STXBP5: variants seen among roughly 807,000 people sequenced by gnomAD.
The protein encoded by STXBP5 is syntaxin-binding protein 5.
A neutral mutation model predicts 152.4 loss-of-function variants in STXBP5; 50 were observed. The ratio of observed to expected loss-of-function variants is 0.33; its 90% CI spans 0.26 to 0.42. The LOEUF (loss-of-function observed/expected upper bound fraction) is 0.42. Among genes scored for constraint, STXBP5 ranks in the 10% least tolerant of loss-of-function variants. STXBP5 has a pLI of 1.00. For missense variants in STXBP5, 1,167 were observed against 1,388.6 expected, an observed-to-expected ratio of 0.84 and a Z score of 2.54; for synonymous variants, 492 against 494.7, an observed-to-expected ratio of 0.99 and a Z score of 0.07.
chr6:147,313,305 A>G (rs1038378949), intron 11 of STXBP5, among the ~76,000 whole-genome samples: 4 of 152,192 alleles, frequency 2.6e-5, no homozygotes, highest in Admixed American at 2.6e-4. Context: ...TTATATTTAG[A>G]TAGGATTCTA....
At chr6:147,338,007 A>G (rs552622652) in intron 19 of STXBP5, among the ~76,000 whole-genome samples, 1 of 152,222 alleles carries the variant, frequency 6.6e-6, no homozygotes, top group Admixed American at 6.5e-5. Flanking sequence ...AGAGTGTTAT[A>G]TGTGGTGTCA....
At chr6:147,313,639 A>T (rs114207902) in intron 11 of STXBP5, among the ~76,000 whole-genome samples, 3,044 of 152,262 alleles carry the variant, frequency 0.02, 109 homozygotes, top group African/African-American at 0.07. Context: ...TGAGATGTAT[A>T]TATTTAAAGC....
At position 147,265,522 on chromosome 6, in the gene STXBP5, A is replaced by G. The variant is rs190620423; in HGVS notation, c.631-1562A>G. On this transcript the variant is annotated intron_variant, in intron 6 of 27. Transcript: ENST00000321680. The stretch of plus-strand genomic sequence containing the variant: ...AGGAGCATCTTAATTTGTCTAGAGG[A>G]ACTGGGTAGACTTAACCAGGAAGCA... Among the ~76,000 whole-genome samples the G allele has an allele frequency of 1.4e-3, 214 of 152,264 alleles. 2 individuals are homozygous for G. The highest frequency in any genetic ancestry group is 7.0e-3 in the South Asian group (34 of 4,826).
rs1160102354 is a variant in STXBP5, at chr6:147,373,839, C to G, written c.3190C>G (p.Leu1064Val). ...TGCACAATCTCTTGACAGAGAAGAACTATGTAAGTTGATTTATTTAATTCG... is the reference window on the plus strand; with the variant it reads ...TGCACAATCTCTTGACAGAGAAGAAGTATGTAAGTTGATTTATTTAATTCG... ...GGAQSLDREE[L>V]FGESSSGKAS... Residue 1064 changes from leucine (L) to valine (V), a missense_variant, in exon 26 of 28, where the codon CTA (leucine) becomes GTA (valine). Coordinates refer to ENST00000321680, the MANE Select transcript of STXBP5 (RefSeq NM_001127715.4). 1 of 1,606,192 alleles carries G rather than the reference C, an allele frequency of 6.2e-7. No individual in the cohort carries two copies. The highest frequency in any genetic ancestry group is 1.3e-5 in the African/African-American group (1 of 74,724).
intron 18 of STXBP5, 144 bp downstream of exon 18, chr6:147,327,420 G>A (rs956583979): frequency 4.9e-6 from 5 of 1,013,454 alleles, no homozygotes; most frequent in Non-Finnish European, 6.8e-6. Context: ...AGCAAAAGTT[G>A]TGAGTCTTAT....
chr6:147,303,981 C>T (rs1246147982), intron 9 of STXBP5, among the ~76,000 whole-genome samples: 1 of 152,082 alleles, frequency 6.6e-6, no homozygotes, highest in East Asian at 1.9e-4. Context: ...GGAAGCAGAG[C>T]ATAAAAGTTT....
At chr6:147,217,216 GAAAA>G (rs1012964398) in intron 2 of STXBP5, among the ~76,000 whole-genome samples, 4 of 147,504 alleles carry the variant, frequency 2.7e-5, no homozygotes, top group African/African-American at 9.9e-5. Context: ...TTTTGAAAAG[GAAAA>G]AAAAAAGTGT....
At chr6:147,370,300 A>G (rs1387428349) in intron 25 of STXBP5, among the ~76,000 whole-genome samples, 1 of 152,108 alleles carries the variant, frequency 6.6e-6, no homozygotes, top group Non-Finnish European at 1.5e-5. Flanking sequence ...AGTGATGGAT[A>G]TATTCACAGT....
intron 7 of STXBP5, among the ~76,000 whole-genome samples, chr6:147,272,121 A>T (rs1220360079): frequency 1.3e-5 from 2 of 152,210 alleles, no homozygotes; most frequent in African/African-American, 4.8e-5. Flanking sequence ...TAAAGTTGTA[A>T]TGAAAATGTT....
chr6:147,282,365 T>A (rs1028393049), intron 8 of STXBP5, among the ~76,000 whole-genome samples: 1 of 152,196 alleles, frequency 6.6e-6, no homozygotes, highest in African/African-American at 2.4e-5. Flanking sequence ...AATCTCACTT[T>A]TATGAGTCTC....
intron 1 of STXBP5, among the ~76,000 whole-genome samples, chr6:147,205,131 T>G (rs1260346255): frequency 6.6e-6 from 1 of 152,116 alleles, no homozygotes; most frequent in Non-Finnish European, 1.5e-5. Context: ...AAATGTGGTG[T>G]AAGTGGCTTA....
intron 4 of STXBP5, among the ~76,000 whole-genome samples, chr6:147,242,131 G>A (rs1217833895): frequency 6.6e-6 from 1 of 150,570 alleles, no homozygotes; most frequent in East Asian, 2.0e-4. Flanking sequence ...TCCTGATCCT[G>A]TGTAGGCCTA....
At chr6:147,292,433 CA>C (rs1298847550) in intron 9 of STXBP5, 7 of 265,414 alleles carry the variant, frequency 2.6e-5, no homozygotes, top group African/African-American at 1.6e-4. Flanking sequence ...GATAAAATGT[CA>C]GACATTAGTT....
chr6:147,291,100 A>C lies in STXBP5; in HGVS notation c.845A>C (p.Gln282Pro). 6.2e-7 allele frequency: 1 copy of C among 1,608,384 alleles called. No homozygotes were observed. The highest frequency in any genetic ancestry group is 8.5e-7 in the Non-Finnish European group (1 of 1,177,046). The change falls in exon 9 of 28, where the codon CAG becomes CCG. Residue 282 changes from glutamine (Q) to proline (P), a missense_variant. By Grantham distance (76) the Gln-to-Pro change is moderately conservative. This residue lies in a region of STXBP5 where 310 missense variants were observed against 346.1 expected (regional missense o/e 0.90). Coordinates refer to ENST00000321680, the MANE Select transcript of STXBP5 (RefSeq NM_001127715.4). ...PVQTITPHGK[Q>P]LKDGKKPEPC... ...GCAGGAAAATATATTTTAGGAAAAC[A>C]GTTAAAGGATGGGAAGAAGCCAGAA... is the stretch of plus-strand genomic sequence containing the variant.
chr6:147,248,571 A>G (rs1290903946), intron 4 of STXBP5, among the ~76,000 whole-genome samples: 6 of 152,110 alleles, frequency 3.9e-5, no homozygotes, highest in African/African-American at 1.4e-4. Context: ...CTCATAACTT[A>G]CTGATGTGAA....
intron 4 of STXBP5, among the ~76,000 whole-genome samples, chr6:147,250,613 G>A (rs1324840096): frequency 6.6e-6 from 1 of 152,114 alleles, no homozygotes; most frequent in Non-Finnish European, 1.5e-5. Context: ...AGGTAGAACA[G>A]TAACCAGTAA....
Position 147,262,285 on chromosome 6 carries a change from T to C in STXBP5, c.567-5T>C. 1.3e-6 allele frequency: 2 copies of C among 1,544,512 alleles called. No individual in the cohort carries two copies. Among genetic ancestry groups the C allele is most frequent in the Non-Finnish European group, 1.7e-6 (2 of 1,151,090 alleles). On this transcript the variant is annotated splice_region_variant and splice_polypyrimidine_tract_variant and intron_variant, in intron 5 of 27. Coordinates refer to ENST00000321680, the MANE Select transcript of STXBP5 (RefSeq NM_001127715.4). Reference sequence around the variant, plus strand: ...AGAAAATCTTACTAACTTTTTCTTTTTTAGGTCATCTAAATCTCACCCAGG... The same window carrying C: ...AGAAAATCTTACTAACTTTTTCTTTCTTAGGTCATCTAAATCTCACCCAGG...
intron 2 of STXBP5, among the ~76,000 whole-genome samples, chr6:147,224,022 A>G (rs879640069): frequency 6.6e-6 from 1 of 152,246 alleles, no homozygotes; most frequent in Non-Finnish European, 1.5e-5. Context: ...CTGGAGTTCC[A>G]GGTCTTGAGT....
At chr6:147,223,329 C>T (rs1473817498) in intron 2 of STXBP5, among the ~76,000 whole-genome samples, 1 of 152,108 alleles carries the variant, frequency 6.6e-6, no homozygotes, top group East Asian at 1.9e-4. Flanking sequence ...AAATGAAGTG[C>T]TCTTCATTAT....
Sources: allele counts gnomAD v4.1 joint callset (sites outside exome capture counted in the v4.1 genomes callset), GRCh38; gene constraint gnomAD v4.1.1; regional missense constraint gnomAD v4.1.1; transcripts MANE v1.5; gene names NCBI Gene and HGNC (gene_info 2026-07-23, HGNC 2026-07-21).